RARA: variants seen among roughly 807,000 people sequenced by gnomAD.
RARA encodes the protein PML-DDX5-RARA fusion.
In RARA, 5 loss-of-function variants were observed where a neutral mutation model predicts 42.8. The ratio of observed to expected loss-of-function variants is 0.12; its 90% CI spans 0.06 to 0.25. RARA has a LOEUF of 0.25. RARA is among the 10% of genes least tolerant of loss of function. RARA has a pLI of 1.00. For synonymous variants in RARA, 256 were observed against 259.5 expected, an observed-to-expected ratio of 0.99 and a Z score of 0.13; for missense variants, 402 against 628.7, an observed-to-expected ratio of 0.64 and a Z score of 3.86.
chr17:40,331,031 A>G lies in RARA; in HGVS notation c.-188A>G. ...CCCCCAACCCACCTGGCCCCCAGCT[A>G]GGGTGGGGGCTCCAGGAGACTGAGA... On this transcript the variant is annotated 5_prime_UTR_variant, in exon 2 of 9. Coordinates refer to ENST00000254066, the MANE Select transcript of RARA (RefSeq NM_000964.4). The G allele has an allele frequency of 3.3e-6, 2 of 597,576 alleles. No homozygotes were observed. The highest frequency in any genetic ancestry group is 4.8e-5 in the South Asian group (2 of 41,268). The allele number at this position is 597,576 out of a possible 1,614,324, so 37.0% of individuals were successfully genotyped here.
chr17:40,334,166 C>T (rs977751948), intron 2 of RARA, among the ~76,000 whole-genome samples: 1 of 152,236 alleles, frequency 6.6e-6, no homozygotes, highest in Admixed American at 6.5e-5. Flanking sequence ...TTGCAAGCTT[C>T]TTCCTCTTTC....
chr17:40,342,016 C>T, intron 2 of RARA: 5 of 1,086,166 alleles, frequency 4.6e-6, no homozygotes, highest in Non-Finnish European at 3.4e-6. Context: ...GCCGCCTCTC[C>T]CTCTCGGTTC....
chr17:40,337,446 G>A (rs970186936), intron 2 of RARA, among the ~76,000 whole-genome samples: 1 of 152,208 alleles, frequency 6.6e-6, no homozygotes, highest in Admixed American at 6.5e-5. Flanking sequence ...AAGATAAGGG[G>A]CCTGGGCCAG....
intron 2 of RARA, among the ~76,000 whole-genome samples, chr17:40,339,480 C>T (rs1225780077): frequency 1.3e-5 from 2 of 152,218 alleles, no homozygotes; most frequent in Non-Finnish European, 2.9e-5. Flanking sequence ...TCCCACTTCT[C>T]CCACTGCCCC....
Position 40,356,672 on chromosome 17 carries a change from G to C in RARA, c.*446G>C. 1.9e-6 allele frequency: 1 copy of C among 539,650 alleles called. No homozygotes were observed. The highest frequency in any genetic ancestry group is 3.6e-6 in the Non-Finnish European group (1 of 280,616). 33.4% of individuals were successfully genotyped at this position (539,650 alleles called of 1,614,324 possible). A position where few individuals can be genotyped will look rare whatever the true frequency, so the allele number is the denominator to read the frequency against. On this transcript the variant is annotated 3_prime_UTR_variant, in exon 9 of 9. Transcript: ENST00000254066. ...GTTGGTGACAGAGGGGGTGGGACAG[G>C]GGCGGGGGGTTCCCCCTGTACATAC...
At chr17:40,316,614 C>T (rs929372262) in intron 1 of RARA, among the ~76,000 whole-genome samples, 1 of 152,168 alleles carries the variant, frequency 6.6e-6, no homozygotes, top group East Asian at 1.9e-4. Context: ...GCACTAGGGG[C>T]GGGCTGGCGC....
At chr17:40,342,067 G>T (rs967291809) in intron 2 of RARA, 68 of 1,038,114 alleles carry the variant, frequency 6.6e-5, no homozygotes, top group Non-Finnish European at 7.8e-5. Flanking sequence ...CCGGGAATGG[G>T]TTAAGCCAGG....
intron 2 of RARA, among the ~76,000 whole-genome samples, chr17:40,332,254 A>G (rs958842698): frequency 6.6e-6 from 1 of 151,428 alleles, no homozygotes; most frequent in Non-Finnish European, 1.5e-5. Context: ...GGCTGGGGGG[A>G]GGAGGGAGCC....
rs2034252754 is a variant in RARA, at chr17:40,345,920, A to G, written c.179-2396A>G. Reference sequence around the variant, plus strand: ...GGCTGGAGGCCTGGGGAGGTGGGGCATCGAGCTCTGGGTTCAAAGGGCAGA... The same window carrying G: ...GGCTGGAGGCCTGGGGAGGTGGGGCGTCGAGCTCTGGGTTCAAAGGGCAGA... On this transcript the variant is annotated intron_variant, in intron 2 of 8. Transcript: ENST00000254066. This position sits in a 1 kb window ranked among gnomAD's most constrained non-coding sequence, Gnocchi z 4.8. Among the ~76,000 whole-genome samples, 1 of 152,246 alleles carries G rather than the reference A, an allele frequency of 6.6e-6. No individual in the cohort carries two copies. The highest frequency in any genetic ancestry group is 1.9e-4 in the East Asian group (1 of 5,160).
intron 3 of RARA, 74 bp downstream of exon 3, chr17:40,348,538 G>GTGTGTT: frequency 6.6e-7 from 1 of 1,511,386 alleles, no homozygotes; most frequent in Non-Finnish European, 8.9e-7. Context: ...TGTCCTGGGA[G>GTGTGTT]TGTGCAGTTG....
rs1181529729 is a variant in RARA at position 40,352,545 on chromosome 17, G to A, written c.807+38G>A. ...ACCCTGGCCCCCAGGCACTGCCCCT[G>A]TGTCCTGGGTAGATGTCCTTCCAGC... On this transcript the variant is annotated intron_variant, in intron 6 of 8. Transcript: ENST00000254066. The surrounding 1 kb of genome is among the most constrained non-coding windows in gnomAD (Gnocchi z 4.9). 3 of 1,507,202 alleles carry A rather than the reference G, an allele frequency of 2.0e-6. No homozygotes were observed. Among genetic ancestry groups the A allele is most frequent in the Non-Finnish European group, 2.7e-6 (3 of 1,112,952 alleles). The allele number at this position is 1,507,202 out of a possible 1,614,324, so 93.4% of individuals were successfully genotyped here.
intron 2 of RARA, among the ~76,000 whole-genome samples, chr17:40,333,583 G>C (rs555037744): frequency 2.0e-5 from 3 of 151,402 alleles, no homozygotes; most frequent in Non-Finnish European, 4.4e-5. Context: ...TCATCTGCCC[G>C]CCTCAGCCTC....
chr17:40,351,847 T>G lies in RARA; in HGVS notation c.470-63T>G. On this transcript the variant is annotated intron_variant, in intron 4 of 8. Transcript: ENST00000254066. This position sits in a 1 kb window ranked among gnomAD's most constrained non-coding sequence, Gnocchi z 4.1. ...AGCAGCTGGCAGCTCTCTGTCAGGC[T>G]GGGGGTGGACGAGGCCCTGAGCAGC... 1 of 1,567,544 alleles carries G rather than the reference T, an allele frequency of 6.4e-7. No homozygotes were observed. Among genetic ancestry groups the G allele is most frequent in the Non-Finnish European group, 8.6e-7 (1 of 1,164,314 alleles).
intron 1 of RARA, among the ~76,000 whole-genome samples, chr17:40,324,455 G>A (rs571944648): frequency 6.6e-6 from 1 of 152,208 alleles, no homozygotes; most frequent in South Asian, 2.1e-4. Context: ...CATGTCCCCC[G>A]GGGGATCTGG....
chr17:40,349,492 C>T (rs2034374988), intron 3 of RARA: 2 of 340,120 alleles, frequency 5.9e-6, no homozygotes, highest in East Asian at 5.7e-5. Context: ...ATTTCTGACT[C>T]ACCAGCAGCC....
Position 40,351,616 on chromosome 17 carries a change from G to T in RARA, c.470-294G>T. 1 of 503,934 alleles carries T rather than the reference G, an allele frequency of 2.0e-6. No individual in the cohort carries two copies. The highest frequency in any genetic ancestry group is 1.8e-5 in the South Asian group (1 of 55,880). The allele number at this position is 503,934 out of a possible 1,614,324, so 31.2% of individuals were successfully genotyped here. On this transcript the variant is annotated intron_variant, in intron 4 of 8. Transcript: ENST00000254066. This position sits in a 1 kb window ranked among gnomAD's most constrained non-coding sequence, Gnocchi z 4.1. ...GCACCGTCGCCTGGAGTGTGAGCTG[G>T]AGTAGACGCGTGGGGGATAGCATGC...
intron 1 of RARA, among the ~76,000 whole-genome samples, chr17:40,325,252 AAAATAAATAAAT>A (rs10689341): frequency 1.2e-3 from 169 of 141,606 alleles, no homozygotes; most frequent in Non-Finnish European, 1.7e-3. Context: ...CTCCATCTCA[AAAATAAATAAAT>A]AAATAAATAA....
chr17:40,341,306 C>T (rs2034025467), intron 2 of RARA: 3 of 1,381,386 alleles, frequency 2.2e-6, no homozygotes, highest in Non-Finnish European at 1.9e-6. Context: ...GCACGCAGAG[C>T]GTGGGGAGGA....
In RARA at chr17:40,326,457, T is replaced by G. The variant is rs1378190253; in HGVS notation, c.-362-4400T>G. On this transcript the variant is annotated intron_variant, in intron 1 of 8. Coordinates refer to ENST00000254066, the MANE Select transcript of RARA (RefSeq NM_000964.4). The surrounding 1 kb of genome is among the most constrained non-coding windows in gnomAD (Gnocchi z 5.2). ...CTCCCATCTTCGTGGCTCAGAAAGC[T>G]CTCACCTTTTTCTCTAGGTGTGTGA... is the stretch of plus-strand genomic sequence containing the variant. 1 of 152,302 alleles carries G rather than the reference T, an allele frequency of 6.6e-6. No homozygotes were observed. Among genetic ancestry groups the G allele is most frequent in the Non-Finnish European group, 1.5e-5 (1 of 68,060 alleles). 9.4% of individuals were successfully genotyped at this position (152,302 alleles called of 1,614,324 possible).
Sources: gnomAD v4.1 joint callset for allele counts (sites outside exome capture counted in the v4.1 genomes callset) on GRCh38, gnomAD v4.1.1 for gene constraint, Gnocchi (gnomAD v3.1) non-coding constraint, MANE v1.5 for transcripts, NCBI Gene and HGNC (gene_info 2026-07-23, HGNC 2026-07-21) for gene names.